Variants in STXBP5L observed in about 807,000 individuals in gnomAD.
STXBP5L encodes the protein syntaxin binding protein 5L.
Under a neutral mutation model 144.5 loss-of-function variants are expected in STXBP5L, and 65 were observed. The observed-to-expected ratio is 0.45, with a 90% CI of 0.37 to 0.55. The LOEUF is 0.55. Ranked by LOEUF, STXBP5L falls within the 20% of genes least tolerant of loss-of-function variation. STXBP5L has a pLI of 0.00. For synonymous variants in STXBP5L, 505 were observed against 469.6 expected (o/e 1.08, Z -0.97); for missense variants, 1,298 against 1,405.5 (o/e 0.92, Z 1.22).
intron 3 of STXBP5L, among the ~76,000 whole-genome samples, chr3:121,020,462 C>T (rs1028828522): frequency 2.0e-5 from 3 of 152,086 alleles, no homozygotes; most frequent in South Asian, 2.1e-4. Context: ...ACATAGTTAT[C>T]GGTTATCTAA....
chr3:121,265,958 A>T (rs1165682251), intron 18 of STXBP5L, among the ~76,000 whole-genome samples: 1 of 152,106 alleles, frequency 6.6e-6, no homozygotes, highest in African/African-American at 2.4e-5. Flanking sequence ...CAGACCAATA[A>T]CAAGTTCTAA....
intron 20 of STXBP5L, among the ~76,000 whole-genome samples, chr3:121,320,992 C>A (rs903798348): frequency 1.3e-5 from 2 of 152,186 alleles, no homozygotes; most frequent in Non-Finnish European, 2.9e-5. Flanking sequence ...AGCCACCGTG[C>A]CCGGCCCACA....
At chr3:121,141,587 A>G (rs2045507503) in intron 7 of STXBP5L, among the ~76,000 whole-genome samples, 1 of 152,172 alleles carries the variant, frequency 6.6e-6, no homozygotes, top group African/African-American at 2.4e-5. Flanking sequence ...TTATGTTAGA[A>G]GATACACCAT....
chr3:121,292,181 A>T (rs1172598523), intron 19 of STXBP5L, among the ~76,000 whole-genome samples: 1 of 152,110 alleles, frequency 6.6e-6, no homozygotes, highest in Non-Finnish European at 1.5e-5. Flanking sequence ...AATCTATAGG[A>T]ACTCAAATCA....
intron 18 of STXBP5L, among the ~76,000 whole-genome samples, chr3:121,279,459 T>C (rs927274963): frequency 2.0e-5 from 3 of 151,958 alleles, no homozygotes; most frequent in Non-Finnish European, 4.4e-5. Flanking sequence ...TAGTGACATT[T>C]CTTAACCTAT....
At chr3:120,918,455 C>G (rs1709209383) in intron 2 of STXBP5L, among the ~76,000 whole-genome samples, 1 of 152,146 alleles carries the variant, frequency 6.6e-6, no homozygotes. Flanking sequence ...CCAGCTTCAA[C>G]AATGATCATC....
chr3:120,908,658 G>T (rs2107535672), intron 1 of STXBP5L, among the ~76,000 whole-genome samples: 1 of 151,542 alleles, frequency 6.6e-6, no homozygotes, highest in African/African-American at 2.4e-5. Context: ...GGCTCTGCGC[G>T]CCCAGCAGGC....
rs185961681 is a variant in STXBP5L at position 120,940,842 on chromosome 3, C to T, written c.190-14098C>T. Reference sequence around the variant, plus strand: ...TATATTGGTATGTATATATACTTTTCAATGGCAAGAATTGGGCCTGTTAAT... The same window carrying T: ...TATATTGGTATGTATATATACTTTTTAATGGCAAGAATTGGGCCTGTTAAT... On this transcript the variant is annotated intron_variant, in intron 2 of 26. Transcript: ENST00000471454. Among the ~76,000 whole-genome samples, 632 of 151,518 alleles carry T rather than the reference C, an allele frequency of 4.2e-3. 3 individuals carry two copies. Among genetic ancestry groups the T allele is most frequent in the Non-Finnish European group, 6.7e-3 (451 of 67,682 alleles).
At chr3:121,033,837 A>G (rs1343949920) in intron 3 of STXBP5L, among the ~76,000 whole-genome samples, 3 of 152,008 alleles carry the variant, frequency 2.0e-5, no homozygotes, top group Non-Finnish European at 4.4e-5. Context: ...TCACAGCTGA[A>G]AAGTATCAAG....
chr3:121,129,078 T>G (rs1297808862), intron 7 of STXBP5L, among the ~76,000 whole-genome samples: 3 of 152,044 alleles, frequency 2.0e-5, no homozygotes, highest in African/African-American at 7.2e-5. Context: ...GCGAGACATA[T>G]GGAATAAATA....
At chr3:120,989,596 A>G (rs1361204589) in intron 3 of STXBP5L, among the ~76,000 whole-genome samples, 1 of 152,044 alleles carries the variant, frequency 6.6e-6, no homozygotes, top group African/African-American at 2.4e-5. Context: ...GTTCTATAAT[A>G]TGCTGAGAGT....
Position 121,334,466 on chromosome 3 carries a change from T to C in STXBP5L, c.2176+15926T>C, listed in dbSNP as rs183174700. 2.0e-3 allele frequency among the ~76,000 whole-genome samples: 307 copies of C among 150,756 alleles called. 2 individuals are homozygous for C. Among genetic ancestry groups the C allele is most frequent in the African/African-American group, 7.0e-3 (287 of 41,096 alleles). ...ACAAAAAAAGAAAACTTTGGGACAA[T>C]AGCCTTGATGGTCATTGATGCAAAA... On this transcript the variant is annotated intron_variant, in intron 20 of 26. Transcript: ENST00000471454.
intron 18 of STXBP5L, among the ~76,000 whole-genome samples, chr3:121,268,581 AT>A (rs1165172700): frequency 7.2e-5 from 11 of 152,122 alleles, no homozygotes; most frequent in Admixed American, 5.2e-4. Context: ...AAAGATATAT[AT>A]TGATTATTAC....
intron 2 of STXBP5L, among the ~76,000 whole-genome samples, chr3:120,942,540 GA>G (rs1202467945): frequency 6.6e-6 from 1 of 151,194 alleles, no homozygotes; most frequent in Non-Finnish European, 1.5e-5. Context: ...AAATTTAACA[GA>G]CTTCAAATTT....
At chr3:121,049,026 C>T (rs1030633014) in intron 5 of STXBP5L, among the ~76,000 whole-genome samples, 1 of 152,182 alleles carries the variant, frequency 6.6e-6, no homozygotes, top group Non-Finnish European at 1.5e-5. Context: ...CTGCTTGCTC[C>T]TTCTGTGAGC....
intron 5 of STXBP5L, among the ~76,000 whole-genome samples, chr3:121,067,712 G>A (rs73189309): frequency 1.3e-5 from 2 of 152,096 alleles, no homozygotes; most frequent in South Asian, 4.2e-4. Context: ...ACCGTTAAAA[G>A]CTCCCACTAT....
chr3:121,387,392 G>A (rs1255731799), intron 22 of STXBP5L, among the ~76,000 whole-genome samples: 1 of 152,204 alleles, frequency 6.6e-6, no homozygotes, highest in Non-Finnish European at 1.5e-5. Flanking sequence ...TTGCCGGACA[G>A]AAGGTCTTTA....
At chr3:120,960,897 C>G (rs967828267) in intron 3 of STXBP5L, among the ~76,000 whole-genome samples, 12 of 151,686 alleles carry the variant, frequency 7.9e-5, no homozygotes, top group African/African-American at 2.7e-4. Context: ...TACCCTAAAA[C>G]TTAAAGTATA....
intron 20 of STXBP5L, among the ~76,000 whole-genome samples, chr3:121,366,455 G>T (rs2045866854): frequency 1.3e-5 from 2 of 151,670 alleles, no homozygotes; most frequent in Non-Finnish European, 3.0e-5. Flanking sequence ...TATAATTGTT[G>T]TATCTTCTTA....
Sources: allele counts gnomAD v4.1 joint callset (sites outside exome capture counted in the v4.1 genomes callset), GRCh38; gene constraint gnomAD v4.1.1; transcripts MANE v1.5; gene names NCBI Gene and HGNC (gene_info 2026-07-23, HGNC 2026-07-21).